Variants in KAT6B observed in about 807,000 individuals in gnomAD.
KAT6B encodes the protein histone acetyltransferase KAT6B.
KAT6B carries 10 observed loss-of-function variants against 187.5 expected under a neutral mutation model. That is an observed-to-expected ratio of 0.05 (90% confidence interval 0.03 to 0.09). The LOEUF (loss-of-function observed/expected upper bound fraction) is 0.09. KAT6B is among the 10% of genes least tolerant of loss of function. KAT6B has a pLI of 1.00. For synonymous variants in KAT6B, 861 were observed against 926.8 expected, an observed-to-expected ratio of 0.93 and a Z score of 1.29; for missense variants, 1,952 against 2,558.9, an observed-to-expected ratio of 0.76 and a Z score of 5.12.
At chr10:74,963,532 G>T (rs1452166896) in intron 4 of KAT6B, among the ~76,000 whole-genome samples, 1 of 152,190 alleles carries the variant, frequency 6.6e-6, no homozygotes, top group Non-Finnish European at 1.5e-5. Flanking sequence ...ACAATAAAGG[G>T]AGCAAGAGCC....
In KAT6B at chr10:74,975,446, G is replaced by A. The variant is rs200497632; in HGVS notation, c.1109G>A (p.Gly370Glu). 2 of 1,614,020 alleles carry A rather than the reference G, an allele frequency of 1.2e-6. No individual in the cohort carries two copies. Among genetic ancestry groups the A allele is most frequent in the Non-Finnish European group, 1.7e-6 (2 of 1,180,000 alleles). ...EGSMNAFTGR[G>E]SPGRGQKTKV... Reference sequence around the variant, plus strand: ...TCCATGAATGCATTCACAGGAAGGGGGTCACCTGGTAGGGGTCAAAAGACT... The same window carrying A: ...TCCATGAATGCATTCACAGGAAGGGAGTCACCTGGTAGGGGTCAAAAGACT... The change falls in exon 8 of 18, where the codon GGG becomes GAG. Residue 370 changes from glycine (G) to glutamate (E), a missense_variant. Transcript: ENST00000287239.
chr10:75,008,510 G>A (rs150853151), intron 13 of KAT6B, among the ~76,000 whole-genome samples: 1 of 152,352 alleles, frequency 6.6e-6, no homozygotes, highest in Non-Finnish European at 1.5e-5. Flanking sequence ...GAAGGTGATT[G>A]TCTGTTCATA....
At chr10:74,856,420 G>A (rs945931490) in intron 3 of KAT6B, among the ~76,000 whole-genome samples, 1 of 151,984 alleles carries the variant, frequency 6.6e-6, no homozygotes, top group African/African-American at 2.4e-5. Context: ...TCCAACCAAA[G>A]ATCATATATT....
At chr10:75,021,752 C>A in intron 15 of KAT6B, 129 bp from the exon 16 acceptor site, 1 of 877,022 alleles carries the variant, frequency 1.1e-6, no homozygotes. Context: ...GATGATGCAG[C>A]TGGAATGTGC....
chr10:74,971,475 A>G (rs1325437803), intron 6 of KAT6B, among the ~76,000 whole-genome samples: 8 of 152,154 alleles, frequency 5.3e-5, no homozygotes, highest in Non-Finnish European at 1.5e-5. Flanking sequence ...GAGTATTATT[A>G]TTTTTAAAAT....
rs1158475738 is a variant in KAT6B at position 75,020,618 on chromosome 10, C to G, written c.2666C>G (p.Ser889Cys). 1 of 1,614,234 alleles carries G rather than the reference C, an allele frequency of 6.2e-7. No homozygotes were observed. Among genetic ancestry groups the G allele is most frequent in the Non-Finnish European group, 8.5e-7 (1 of 1,180,032 alleles). Reference sequence around the variant, plus strand: ...TCTAGAAGAGAAGGCCAAGCAGGGTCTCCTGAAAAGCCTCTCTCCGATCTG... The same window carrying G: ...TCTAGAAGAGAAGGCCAAGCAGGGTGTCCTGAAAAGCCTCTCTCCGATCTG... Reference protein sequence around the residue: ...LLSRREGQAGSPEKPLSDLGR... With the variant: ...LLSRREGQAGCPEKPLSDLGR... The change falls in exon 14 of 18, where the codon TCT becomes TGT. Residue 889 changes from serine (S) to cysteine (C), a missense_variant. Coordinates refer to ENST00000287239, the MANE Select transcript of KAT6B (RefSeq NM_012330.4).
chr10:75,002,124 T>G (rs1349596411), intron 13 of KAT6B, among the ~76,000 whole-genome samples: 2 of 152,156 alleles, frequency 1.3e-5, no homozygotes, highest in Non-Finnish European at 2.9e-5. Flanking sequence ...AGAGCTCCAG[T>G]GCCTGTCACC....
At position 74,960,097 on chromosome 10, in the gene KAT6B, A is replaced by G. The variant is rs773761026; in HGVS notation, c.730+19A>G. The G allele has an allele frequency of 1.7e-5, 25 of 1,438,356 alleles. No individual in the cohort carries two copies. The East Asian group carries it at 2.5e-4, about 14-fold the overall frequency. 89.1% of individuals were successfully genotyped at this position (1,438,356 alleles called of 1,614,324 possible). A position where few individuals can be genotyped will look rare whatever the true frequency, so the allele number is the denominator to read the frequency against. On this transcript the variant is annotated intron_variant, in intron 4 of 17. Coordinates refer to ENST00000287239, the MANE Select transcript of KAT6B (RefSeq NM_012330.4). Reference sequence around the variant, plus strand: ...AGTAGTGGTAAGTTGTGTTTTTCCTATGTGTTGTACAATGACTTCCCATTA... The same window carrying G: ...AGTAGTGGTAAGTTGTGTTTTTCCTGTGTGTTGTACAATGACTTCCCATTA...
intron 3 of KAT6B, among the ~76,000 whole-genome samples, chr10:74,956,406 T>C (rs1008700087): frequency 2.6e-5 from 4 of 152,236 alleles, no homozygotes; most frequent in Non-Finnish European, 5.9e-5. Context: ...TGGTAATTAA[T>C]ACATAATCCA....
At chr10:74,931,283 A>G (rs995980256) in intron 3 of KAT6B, among the ~76,000 whole-genome samples, 3 of 151,812 alleles carry the variant, frequency 2.0e-5, no homozygotes, top group African/African-American at 7.3e-5. Context: ...AGTCCCCTGT[A>G]TTTTCATCAC....
intron 4 of KAT6B, among the ~76,000 whole-genome samples, chr10:74,962,544 G>A (rs1008353040): frequency 6.6e-6 from 1 of 152,192 alleles, no homozygotes; most frequent in Non-Finnish European, 1.5e-5. Context: ...ATCCCAAAAT[G>A]TAAGTTGTTT....
intron 12 of KAT6B, among the ~76,000 whole-genome samples, chr10:74,987,261 C>A (rs1842868286): frequency 6.6e-6 from 1 of 152,028 alleles, no homozygotes; most frequent in African/African-American, 2.4e-5. Context: ...CATGGTGAAA[C>A]CCCGTCTGTA....
chr10:74,933,446 G>T (rs539011358), intron 3 of KAT6B, among the ~76,000 whole-genome samples: 1 of 152,282 alleles, frequency 6.6e-6, no homozygotes, highest in African/African-American at 2.4e-5. Context: ...TAATTCATGA[G>T]CCCCAACTGC....
chr10:74,876,075 G>A (rs1271392392), intron 3 of KAT6B, among the ~76,000 whole-genome samples: 1 of 152,030 alleles, frequency 6.6e-6, no homozygotes, highest in Non-Finnish European at 1.5e-5. Context: ...TTAATTAGTG[G>A]CTCTATACAC....
chr10:74,859,915 A>G (rs983592957), intron 3 of KAT6B, among the ~76,000 whole-genome samples: 6 of 152,246 alleles, frequency 3.9e-5, no homozygotes, highest in Non-Finnish European at 1.5e-5. Flanking sequence ...CTAGTGTATG[A>G]ACACAAGCCT....
intron 3 of KAT6B, among the ~76,000 whole-genome samples, chr10:74,932,317 C>T (rs940151078): frequency 1.3e-5 from 2 of 152,132 alleles, no homozygotes; most frequent in African/African-American, 4.8e-5. Context: ...CTATAGTTAT[C>T]CCCATTTCAC....
chr10:74,842,894 A>G lies in KAT6B; in HGVS notation c.37A>G (p.Ile13Val). 1 of 1,614,148 alleles carries G rather than the reference A, an allele frequency of 6.2e-7. No individual in the cohort carries two copies. The highest frequency in any genetic ancestry group is 8.5e-7 in the Non-Finnish European group (1 of 1,179,992). ...TGCAAACCCACTTTATACAGAGTGG[A>G]TTCTTGAAGCTATACAGAAAATAAA... ...KLANPLYTEWILEAIQKIKKQ... is the reference protein window; with the variant it reads ...KLANPLYTEWVLEAIQKIKKQ... Residue 13 changes from isoleucine to valine, a missense_variant, in exon 3 of 18, where the codon ATT becomes GTT. Ile to Val is a conservative substitution (Grantham distance 29). This residue lies in a region of KAT6B where 218 missense variants were observed against 282.6 expected (regional missense o/e 0.77). Transcript: ENST00000287239.
chr10:74,906,659 T>C (rs1264988012), intron 3 of KAT6B, among the ~76,000 whole-genome samples: 1 of 152,210 alleles, frequency 6.6e-6, no homozygotes, highest in Non-Finnish European at 1.5e-5. Context: ...ACTTTGGTCT[T>C]CTGTTTCCTC....
intron 3 of KAT6B, among the ~76,000 whole-genome samples, chr10:74,909,051 A>T (rs75471296): frequency 0.01 from 1,593 of 152,314 alleles, 29 homozygotes; most frequent in African/African-American, 0.037. Context: ...GAAAAGTAAT[A>T]GTTAGAAATG....
Sources: gnomAD v4.1 joint callset for allele counts (sites outside exome capture counted in the v4.1 genomes callset) on GRCh38, gnomAD v4.1.1 for gene constraint, gnomAD v4.1.1 regional missense constraint, MANE v1.5 for transcripts, NCBI Gene and HGNC (gene_info 2026-07-23, HGNC 2026-07-21) for gene names.